The following RAB11FIP4 variants were observed in gnomAD, a reference collection of about 807,000 sequenced individuals.
RAB11FIP4 encodes the protein RAB11 family interacting protein 4.
In RAB11FIP4, 23 loss-of-function variants were observed where a neutral mutation model predicts 74.3. That is an observed-to-expected ratio of 0.31 (90% CI 0.22 to 0.44). The LOEUF is 0.44. Ranked by LOEUF, RAB11FIP4 falls within the 20% of genes least tolerant of loss-of-function variation. The pLI is 1.00. For missense variants in RAB11FIP4, 630 were observed against 863.9 expected, an observed-to-expected ratio of 0.73 and a Z score of 3.39; for synonymous variants, 360 against 359.9, an observed-to-expected ratio of 1.00 and a Z score of 0.00.
Position 31,522,383 on chromosome 17 carries a change from C to T in RAB11FIP4, c.917C>T (p.Thr306Met), listed in dbSNP as rs796141398. 1.1e-5 allele frequency: 17 copies of T among 1,613,790 alleles called. No individual in the cohort carries two copies. Among genetic ancestry groups the T allele is most frequent in the Middle Eastern group, 1.6e-4 (1 of 6,084 alleles). The change falls in exon 7 of 15, where the codon ACG becomes ATG. Residue 306 changes from threonine (T) to methionine (M), a missense_variant. Coordinates refer to ENST00000621161, the MANE Select transcript of RAB11FIP4 (RefSeq NM_032932.6). ...AGCCCCAACCGAAAGATCTCCAGCACGGCCTTTGGACGGTAAGGCCCGCCT... is the reference window on the plus strand; with the variant it reads ...AGCCCCAACCGAAAGATCTCCAGCATGGCCTTTGGACGGTAAGGCCCGCCT... ...ANSPNRKISS[T>M]AFGRQLMHSS...
At chr17:31,456,203 C>A (rs1379849980) in intron 3 of RAB11FIP4, among the ~76,000 whole-genome samples, 2 of 152,152 alleles carry the variant, frequency 1.3e-5, no homozygotes, top group African/African-American at 4.8e-5. Context: ...GATTTGTCAT[C>A]CTGTGTACTC....
chr17:31,524,927 T>A (rs1380650611), intron 9 of RAB11FIP4, 163 bp from the exon 10 acceptor site: 14 of 793,642 alleles, frequency 1.8e-5, no homozygotes, highest in Non-Finnish European at 2.7e-5. Flanking sequence ...CCCCTCTATA[T>A]GTGCGGTGTC....
At position 31,523,630 on chromosome 17, in the gene RAB11FIP4, G is replaced by C. The variant is rs2142821260; in HGVS notation, c.1029+19G>C. The C allele has an allele frequency of 6.2e-7, 1 of 1,602,898 alleles. No homozygotes were observed. Among genetic ancestry groups the C allele is most frequent in the Middle Eastern group, 1.7e-4 (1 of 6,052 alleles). ...AGAGAAGGTGGGCCTTGGGTGGCTGGAGAAGGGACTGAATGCATGCCTGCT... is the reference window on the plus strand; with the variant it reads ...AGAGAAGGTGGGCCTTGGGTGGCTGCAGAAGGGACTGAATGCATGCCTGCT... On this transcript the variant is annotated intron_variant, in intron 8 of 14. Transcript: ENST00000621161.
rs141467707 is a variant in RAB11FIP4 at position 31,495,121 on chromosome 17, C to A, written c.337-22530C>A. Among the ~76,000 whole-genome samples, 145 of 152,348 alleles carry A rather than the reference C, an allele frequency of 9.5e-4. 1 individual carries two copies. The highest frequency in any genetic ancestry group is 3.4e-3 in the African/African-American group (142 of 41,580). On this transcript the variant is annotated intron_variant, in intron 3 of 14. Coordinates refer to ENST00000621161, the MANE Select transcript of RAB11FIP4 (RefSeq NM_032932.6). ...CTGCCCATCTGCCACTGCCAGCCCC[C>A]AGCATCTGCCTTATTAAAATGCTGA...
chr17:31,412,218 A>G (rs2071104411), intron 1 of RAB11FIP4, among the ~76,000 whole-genome samples: 1 of 152,164 alleles, frequency 6.6e-6, no homozygotes, highest in Admixed American at 6.5e-5. Flanking sequence ...TCTCACACAG[A>G]TGCCGGTTTT....
At chr17:31,497,350 C>T (rs536596159) in intron 3 of RAB11FIP4, among the ~76,000 whole-genome samples, 3 of 151,904 alleles carry the variant, frequency 2.0e-5, no homozygotes, top group Admixed American at 1.3e-4. Flanking sequence ...GGCGACAGAG[C>T]GATACTCCAT....
intron 1 of RAB11FIP4, among the ~76,000 whole-genome samples, chr17:31,423,073 C>T (rs939186013): frequency 3.9e-5 from 6 of 152,160 alleles, no homozygotes; most frequent in South Asian, 2.1e-4. Context: ...GTGTCTGCCA[C>T]CACGACCAGC....
intron 1 of RAB11FIP4, among the ~76,000 whole-genome samples, chr17:31,412,871 C>T (rs1037210745): frequency 6.6e-6 from 1 of 152,032 alleles, no homozygotes; most frequent in African/African-American, 2.4e-5. Flanking sequence ...AGTACCTGCC[C>T]CATTTCACAG....
At chr17:31,528,379 T>G (rs766602268) in intron 11 of RAB11FIP4, 27 bp from the exon 12 acceptor site, 4 of 1,606,740 alleles carry the variant, frequency 2.5e-6, no homozygotes, top group Middle Eastern at 1.7e-4. Flanking sequence ...GGAACTCTCC[T>G]CCCCTGATCG....
intron 1 of RAB11FIP4, among the ~76,000 whole-genome samples, chr17:31,425,852 G>C (rs904314856): frequency 2.0e-5 from 3 of 152,142 alleles, no homozygotes; most frequent in Non-Finnish European, 4.4e-5. Flanking sequence ...CCCCAGGGTG[G>C]GGGCGGCCCC....
intron 3 of RAB11FIP4, among the ~76,000 whole-genome samples, chr17:31,454,960 A>G (rs1444249001): frequency 1.3e-5 from 2 of 152,174 alleles, no homozygotes; most frequent in Non-Finnish European, 2.9e-5. Context: ...TTAGCACCAC[A>G]GTGGGAACAG....
At chr17:31,438,409 C>G (rs941046263) in intron 3 of RAB11FIP4, among the ~76,000 whole-genome samples, 1 of 152,064 alleles carries the variant, frequency 6.6e-6, no homozygotes, top group African/African-American at 2.4e-5. Context: ...GTGTAGCCAC[C>G]ACGCCAGCAA....
chr17:31,489,418 C>G (rs1337962281), intron 3 of RAB11FIP4, among the ~76,000 whole-genome samples: 1 of 152,032 alleles, frequency 6.6e-6, no homozygotes, highest in Non-Finnish European at 1.5e-5. Flanking sequence ...TGGGAGCGCT[C>G]TCACTCCCCC....
intron 3 of RAB11FIP4, among the ~76,000 whole-genome samples, chr17:31,435,076 C>A (rs903525222): frequency 2.6e-5 from 4 of 152,186 alleles, no homozygotes; most frequent in African/African-American, 9.7e-5. Flanking sequence ...ATCTCAGCTA[C>A]TGGGGAGACT....
intron 1 of RAB11FIP4, 92 bp from the exon 2 acceptor site, chr17:31,431,721 T>TACCAA: frequency 1.4e-6 from 1 of 735,748 alleles, no homozygotes; most frequent in Non-Finnish European, 2.5e-6. Context: ...GACACTGGTG[T>TACCAA]CCCTCCCTCC....
At chr17:31,402,920 T>A (rs117468045) in intron 1 of RAB11FIP4, among the ~76,000 whole-genome samples, 2 of 151,846 alleles carry the variant, frequency 1.3e-5, no homozygotes, top group African/African-American at 2.4e-5. Flanking sequence ...CCACCGCGCC[T>A]GGCCAGATTA....
Position 31,530,474 on chromosome 17 carries a change from C to A in RAB11FIP4, c.1797+5C>A, listed in dbSNP as rs759861998. 1 of 1,610,228 alleles carries A rather than the reference C, an allele frequency of 6.2e-7. No individual in the cohort carries two copies. Among genetic ancestry groups the A allele is most frequent in the Admixed American group, 1.7e-5 (1 of 59,976 alleles). ...GACACCGCCTCGCGCGATGAGGTAA[C>A]CACACCACCGGCTCTTGCTTTGGGG... On this transcript the variant is annotated splice_donor_5th_base_variant and intron_variant, in intron 14 of 14. Transcript: ENST00000621161.
intron 2 of RAB11FIP4, 64 bp downstream of exon 2, chr17:31,431,964 G>A (rs892777451): frequency 3.2e-6 from 4 of 1,251,292 alleles, no homozygotes; most frequent in Non-Finnish European, 4.6e-6. Context: ...GGAAGCTGGT[G>A]TGACTGGGGG....
In RAB11FIP4 at chr17:31,532,979, A is replaced by G. The variant is rs1053993590; in HGVS notation, c.*1247A>G. On this transcript the variant is annotated 3_prime_UTR_variant, in exon 15 of 15. Transcript: ENST00000621161. Reference sequence around the variant, plus strand: ...ATGGTACTTACCTTAGAGTTTTCCAATTTATCTCAATTTTATATGGCTTGT... The same window carrying G: ...ATGGTACTTACCTTAGAGTTTTCCAGTTTATCTCAATTTTATATGGCTTGT... 1.3e-5 allele frequency: 2 copies of G among 152,144 alleles called. No individual in the cohort carries two copies. Among genetic ancestry groups the G allele is most frequent in the Non-Finnish European group, 2.9e-5 (2 of 68,018 alleles). The allele number at this position is 152,144 out of a possible 1,614,324, so 9.4% of individuals were successfully genotyped here. A position where few individuals can be genotyped will look rare whatever the true frequency, so the allele number is the denominator to read the frequency against.
Sources: gnomAD v4.1 joint callset for allele counts (sites outside exome capture counted in the v4.1 genomes callset) on GRCh38, gnomAD v4.1.1 for gene constraint, MANE v1.5 for transcripts, NCBI Gene and HGNC (gene_info 2026-07-23, HGNC 2026-07-21) for gene names.